The following ADK variants were observed in gnomAD, a reference collection of about 807,000 sequenced individuals.
ADK encodes N6,N6-dimethyladenosine kinase.
Under a neutral mutation model 44.7 loss-of-function variants are expected in ADK, and 24 were observed. The ratio of observed to expected loss-of-function variants is 0.54; its 90% CI spans 0.39 to 0.76. The LOEUF is 0.76. ADK is among the 30% of genes least tolerant of loss of function. The pLI is 0.00. For missense variants in ADK, 321 were observed against 425.1 expected, an observed-to-expected ratio of 0.76 and a Z score of 2.15; for synonymous variants, 128 against 142.6, an observed-to-expected ratio of 0.90 and a Z score of 0.73.
chr10:74,444,432 G>A (rs188982929), intron 6 of ADK, among the ~76,000 whole-genome samples: 152 of 152,198 alleles, frequency 1.0e-3, no homozygotes, highest in African/African-American at 3.5e-3. Context: ...TTTCACGAAT[G>A]TGAACCTTTT....
At chr10:74,507,396 T>C (rs1848122921) in intron 6 of ADK, among the ~76,000 whole-genome samples, 1 of 152,150 alleles carries the variant, frequency 6.6e-6, no homozygotes, top group Admixed American at 6.6e-5. Flanking sequence ...ACAGATCGCT[T>C]GAGCCCAGGA....
chr10:74,160,688 GGGGTGTGTGTGTGT>G (rs1160874910), intron 1 of ADK, among the ~76,000 whole-genome samples: 1 of 139,176 alleles, frequency 7.2e-6, no homozygotes, highest in Non-Finnish European at 1.6e-5. Flanking sequence ...CATGCAGGTA[GGGGTGTGTGTGTGT>G]GTGTGTGTGT....
chr10:74,679,722 G>C (rs1855530535), intron 10 of ADK, among the ~76,000 whole-genome samples: 1 of 152,114 alleles, frequency 6.6e-6, no homozygotes, highest in South Asian at 2.1e-4. Flanking sequence ...AGCACTTTGG[G>C]AGGCTGAGAC....
intron 10 of ADK, among the ~76,000 whole-genome samples, chr10:74,702,504 C>T (rs1856459192): frequency 1.4e-5 from 2 of 144,200 alleles, no homozygotes. Context: ...AGGATTTGCT[C>T]AGTCTGTCTT....
chr10:74,544,647 C>T (rs1033141747), intron 7 of ADK, among the ~76,000 whole-genome samples: 7 of 151,950 alleles, frequency 4.6e-5, no homozygotes, highest in Non-Finnish European at 8.8e-5. Context: ...GGGGCTGAGG[C>T]GGGCAGATCA....
At chr10:74,575,933 G>A (rs1851168689) in intron 7 of ADK, among the ~76,000 whole-genome samples, 1 of 152,106 alleles carries the variant, frequency 6.6e-6, no homozygotes, top group African/African-American at 2.4e-5. Flanking sequence ...TTGGAAACAA[G>A]AGTTTTAGGT....
At chr10:74,350,433 A>G (rs748645742) in intron 4 of ADK, among the ~76,000 whole-genome samples, 9 of 152,246 alleles carry the variant, frequency 5.9e-5, no homozygotes, top group South Asian at 2.1e-4. Flanking sequence ...AGGGATATTT[A>G]TAGCACTAAG....
At chr10:74,559,727 G>T (rs1361410916) in intron 7 of ADK, among the ~76,000 whole-genome samples, 1 of 152,034 alleles carries the variant, frequency 6.6e-6, no homozygotes, top group Non-Finnish European at 1.5e-5. Flanking sequence ...CAGTTTTAGA[G>T]GTAATGTTGT....
At chr10:74,366,064 T>C (rs1328558123) in intron 4 of ADK, among the ~76,000 whole-genome samples, 1 of 152,188 alleles carries the variant, frequency 6.6e-6, no homozygotes, top group Admixed American at 6.5e-5. Flanking sequence ...TTTATTTGAG[T>C]TTTATTTTTA....
intron 7 of ADK, among the ~76,000 whole-genome samples, chr10:74,540,882 G>C (rs1849603227): frequency 6.6e-6 from 1 of 152,060 alleles, no homozygotes; most frequent in Non-Finnish European, 1.5e-5. Context: ...TTTTATCCTA[G>C]CTCTTGAGTT....
intron 10 of ADK, among the ~76,000 whole-genome samples, chr10:74,707,317 T>C (rs763001806): frequency 6.6e-6 from 1 of 152,230 alleles, no homozygotes; most frequent in South Asian, 2.1e-4. Flanking sequence ...ATTATAGGCA[T>C]GAGCCACGAT....
intron 2 of ADK, among the ~76,000 whole-genome samples, chr10:74,206,323 G>A (rs1293870246): frequency 6.6e-6 from 1 of 152,180 alleles, no homozygotes; most frequent in Non-Finnish European, 1.5e-5. Flanking sequence ...TTATAAAAAG[G>A]TGAAATGTTT....
At chr10:74,406,547 G>T (rs148512807) in intron 6 of ADK, among the ~76,000 whole-genome samples, 22,962 of 149,304 alleles carry the variant, frequency 0.15, 1,930 homozygotes, top group Middle Eastern at 0.18. Context: ...AGAAGAAGAA[G>T]AAGAAGAAGA....
chr10:74,399,055 C>T (rs546801512), intron 6 of ADK, among the ~76,000 whole-genome samples: 2 of 151,844 alleles, frequency 1.3e-5, no homozygotes, highest in Non-Finnish European at 2.9e-5. Context: ...AAACATTGAT[C>T]GTGACAAATC....
At position 74,394,574 on chromosome 10, in the gene ADK, GC is replaced by G. The variant is rs770345247; in HGVS notation, c.446+262del. 5.3e-5 allele frequency among the ~76,000 whole-genome samples: 8 copies of G among 152,120 alleles called. No homozygotes were observed. In the East Asian group the frequency reaches 1.3e-3, roughly 26 times the overall value. The stretch of plus-strand genomic sequence containing the variant: ...CTTTTTATAATTAGAATCAGAAAAG[GC>G]TGATAGCTTGCTCAATGCCTTGTAG... On this transcript the variant is annotated intron_variant, in intron 5 of 10. Transcript: ENST00000539909.
intron 3 of ADK, among the ~76,000 whole-genome samples, chr10:74,236,618 A>T (rs1844968018): frequency 6.6e-6 from 1 of 152,204 alleles, no homozygotes; most frequent in Admixed American, 6.5e-5. Context: ...ACCCTTCATT[A>T]TCCATAAACC....
chr10:74,267,790 G>GTGTCTGTCTGTC (rs1554835952), intron 3 of ADK, among the ~76,000 whole-genome samples: 18 of 145,598 alleles, frequency 1.2e-4, no homozygotes, highest in African/African-American at 4.0e-4. Context: ...GTGTGTGTGT[G>GTGTCTGTCTGTC]TGTCTGTCTG....
intron 7 of ADK, among the ~76,000 whole-genome samples, chr10:74,571,191 A>G (rs1395509344): frequency 6.6e-6 from 1 of 152,204 alleles, no homozygotes; most frequent in Non-Finnish European, 1.5e-5. Context: ...TCGGTTTGCC[A>G]GTATTTTATT....
chr10:74,690,050 T>C (rs1262960122), intron 10 of ADK, among the ~76,000 whole-genome samples: 1 of 152,220 alleles, frequency 6.6e-6, no homozygotes, highest in African/African-American at 2.4e-5. Context: ...GGAAAGAATT[T>C]TACAGTAGAT....
Sources: allele counts gnomAD v4.1 joint callset (sites outside exome capture counted in the v4.1 genomes callset), GRCh38; gene constraint gnomAD v4.1.1; transcripts MANE v1.5; gene names NCBI Gene and HGNC (gene_info 2026-07-23, HGNC 2026-07-21).